SPOCK3: variants seen among roughly 807,000 people sequenced by gnomAD.
SPOCK3 encodes SPARC (osteonectin), cwcv and kazal like domains proteoglycan 3, also known as testican-3.
A neutral mutation model predicts 56.6 loss-of-function variants in SPOCK3; 30 were observed. The observed-to-expected ratio is 0.53, with a 90% CI of 0.40 to 0.72. SPOCK3 has a LOEUF of 0.72. SPOCK3 is among the 30% of genes least tolerant of loss of function. The pLI, the probability that SPOCK3 is intolerant of heterozygous loss-of-function variation, is 0.00. For missense variants in SPOCK3, 527 were observed against 530.0 expected (o/e 0.99, Z 0.06); for synonymous variants, 196 against 183.3 (o/e 1.07, Z -0.56).
chr4:167,153,468 A>C (rs1246134736), intron 2 of SPOCK3, among the ~76,000 whole-genome samples: 1 of 152,208 alleles, frequency 6.6e-6, no homozygotes, highest in Non-Finnish European at 1.5e-5. Flanking sequence ...AATCAAAATA[A>C]TTAAAATTAA....
At chr4:167,055,560 G>T (rs1314265205) in intron 3 of SPOCK3, among the ~76,000 whole-genome samples, 1 of 152,202 alleles carries the variant, frequency 6.6e-6, no homozygotes, top group Non-Finnish European at 1.5e-5. Flanking sequence ...AAAGAAAGGG[G>T]TGACAGACAG....
intron 6 of SPOCK3, among the ~76,000 whole-genome samples, chr4:166,833,565 T>C (rs185098284): frequency 2.0e-5 from 3 of 152,308 alleles, no homozygotes; most frequent in East Asian, 1.9e-4. Flanking sequence ...TTTACACTTA[T>C]AGTAATATTA....
intron 3 of SPOCK3, among the ~76,000 whole-genome samples, chr4:167,012,122 T>G (rs1343025878): frequency 6.6e-6 from 1 of 151,970 alleles, no homozygotes; most frequent in Non-Finnish European, 1.5e-5. Context: ...GTTTTGGGAC[T>G]ATGTTTTAAT....
At chr4:166,897,853 A>G (rs1198159599) in intron 5 of SPOCK3, among the ~76,000 whole-genome samples, 2 of 152,144 alleles carry the variant, frequency 1.3e-5, no homozygotes, top group African/African-American at 4.8e-5. Flanking sequence ...CAAATCATGA[A>G]CAAGGGTAGT....
intron 6 of SPOCK3, among the ~76,000 whole-genome samples, chr4:166,816,900 C>T (rs1560889945): frequency 1.3e-5 from 2 of 151,958 alleles, no homozygotes; most frequent in Non-Finnish European, 2.9e-5. Context: ...GTTTGATGCC[C>T]TTTTATCTTA....
intron 2 of SPOCK3, among the ~76,000 whole-genome samples, chr4:167,137,059 C>T (rs1763180376): frequency 6.6e-6 from 1 of 151,966 alleles, no homozygotes; most frequent in Non-Finnish European, 1.5e-5. Flanking sequence ...AATAGCCTTG[C>T]CAAATACTAA....
At chr4:166,957,975 T>C (rs1182687729) in intron 4 of SPOCK3, among the ~76,000 whole-genome samples, 58 of 152,140 alleles carry the variant, frequency 3.8e-4, no homozygotes, top group Admixed American at 3.7e-3. Context: ...CAATTGTATT[T>C]AGAAATGTGA....
At chr4:166,975,987 G>A (rs751200960) in intron 4 of SPOCK3, among the ~76,000 whole-genome samples, 4 of 152,090 alleles carry the variant, frequency 2.6e-5, no homozygotes, top group Non-Finnish European at 4.4e-5. Context: ...TGGGAGTGCA[G>A]ATATCTTTTC....
rs1396142167 is a variant in SPOCK3 at position 166,812,936 on chromosome 4, C to G, written c.590-20647G>C. Among the ~76,000 whole-genome samples, 8 of 151,966 alleles carry G rather than the reference C, an allele frequency of 5.3e-5. No homozygotes were observed. In the East Asian group the frequency reaches 1.6e-3, roughly 30 times the overall value. On this transcript the variant is annotated intron_variant, in intron 6 of 10. Transcript: ENST00000357545. The stretch of plus-strand genomic sequence containing the variant: ...GGTTGGTGGGAGTTTACTCTAAAAT[C>G]AATAAATATTTGCACTTTTATTTCC...
At chr4:167,162,689 G>A (rs937231900) in intron 2 of SPOCK3, among the ~76,000 whole-genome samples, 18 of 151,888 alleles carry the variant, frequency 1.2e-4, no homozygotes, top group African/African-American at 3.6e-4. Context: ...TAATTATGGC[G>A]GTCTGCCTCC....
At chr4:166,940,355 G>A (rs753243696) in intron 4 of SPOCK3, among the ~76,000 whole-genome samples, 1 of 152,042 alleles carries the variant, frequency 6.6e-6, no homozygotes, top group Non-Finnish European at 1.5e-5. Context: ...CGAAGTCCGC[G>A]ACAGAGAAAC....
At chr4:167,171,283 T>C (rs939658892) in intron 2 of SPOCK3, among the ~76,000 whole-genome samples, 3 of 152,172 alleles carry the variant, frequency 2.0e-5, no homozygotes, top group Non-Finnish European at 2.9e-5. Flanking sequence ...GAACTGAAAT[T>C]ATGCAGTTTT....
intron 4 of SPOCK3, among the ~76,000 whole-genome samples, 188 bp downstream of exon 4, chr4:167,000,161 T>G (rs1251065269): frequency 6.6e-6 from 1 of 152,186 alleles, no homozygotes; most frequent in Non-Finnish European, 1.5e-5. Flanking sequence ...TTCTATAATC[T>G]GTAGTAATTG....
chr4:166,767,892 A>G (rs1391072961), intron 7 of SPOCK3, among the ~76,000 whole-genome samples: 1 of 152,304 alleles, frequency 6.6e-6, no homozygotes, highest in African/African-American at 2.4e-5. Context: ...GTGCATACAT[A>G]TTTAAGATAG....
rs1434726485 is a variant in SPOCK3 at position 166,952,980 on chromosome 4, C to T, written c.351-40237G>A. Among the ~76,000 whole-genome samples the T allele has an allele frequency of 4.0e-5, 6 of 150,888 alleles. No homozygotes were observed. The South Asian group carries it at 6.3e-4, about 16-fold the overall frequency. ...ACGTTAGACCTAAAACCATAAAAAC[C>T]CTAGAAGAAAACCTAGGCATTACCA... On this transcript the variant is annotated intron_variant, in intron 4 of 10. Transcript: ENST00000357545.
chr4:166,786,920 GA>G (rs2126636893), intron 7 of SPOCK3, among the ~76,000 whole-genome samples: 1 of 152,180 alleles, frequency 6.6e-6, no homozygotes, highest in South Asian at 2.1e-4. Flanking sequence ...ATTATTTAAG[GA>G]GATAAAGTAT....
intron 2 of SPOCK3, among the ~76,000 whole-genome samples, chr4:167,068,703 AT>A (rs932027321): frequency 3.3e-5 from 5 of 151,732 alleles, no homozygotes; most frequent in African/African-American, 1.2e-4. Flanking sequence ...TTATGATTTT[AT>A]TTTTTTCAAC....
At chr4:167,100,678 A>C (rs934870838) in intron 2 of SPOCK3, among the ~76,000 whole-genome samples, 1 of 152,154 alleles carries the variant, frequency 6.6e-6, no homozygotes, top group African/African-American at 2.4e-5. Context: ...AAATATTCTT[A>C]AAAGAGTTTT....
intron 4 of SPOCK3, among the ~76,000 whole-genome samples, chr4:166,970,716 C>T (rs1225161942): frequency 1.3e-4 from 19 of 142,348 alleles, no homozygotes; most frequent in African/African-American, 5.1e-4. Context: ...CAGAGCAAGA[C>T]ACCGTCAAAA....
Sources: allele counts gnomAD v4.1 joint callset (sites outside exome capture counted in the v4.1 genomes callset), GRCh38; gene constraint gnomAD v4.1.1; transcripts MANE v1.5; gene names NCBI Gene and HGNC (gene_info 2026-07-23, HGNC 2026-07-21).